Variants in RC3H2 observed in about 807,000 individuals in gnomAD.
RC3H2 encodes the protein roquin-2.
Under a neutral mutation model 133.3 loss-of-function variants are expected in RC3H2, and 31 were observed. That is an observed-to-expected ratio of 0.23 (90% CI 0.17 to 0.31). The LOEUF is 0.31. Ranked by LOEUF, RC3H2 falls within the 10% of genes least tolerant of loss-of-function variation. The pLI is 1.00. For synonymous variants in RC3H2, 517 were observed against 502.2 expected (o/e 1.03, Z -0.40); for missense variants, 1,175 against 1,437.2 (o/e 0.82, Z 2.95).
chr9:122,875,293 C>T, intron 9 of RC3H2: 1 of 1,550,584 alleles, frequency 6.4e-7, no homozygotes, highest in South Asian at 1.2e-5. Context: ...GCTTGTAGAG[C>T]TCATTATGTA....
chr9:122,862,719 A>C (rs1830504835), intron 10 of RC3H2, among the ~76,000 whole-genome samples: 1 of 151,790 alleles, frequency 6.6e-6, no homozygotes, highest in African/African-American at 2.4e-5. Context: ...ACATGGCGAA[A>C]CCCCGTCTCT....
At position 122,880,004 on chromosome 9, in the gene RC3H2, T is replaced by C; in HGVS notation, c.1082A>G (p.Asp361Gly). 7 of 1,614,088 alleles carry C rather than the reference T, an allele frequency of 4.3e-6. No individual in the cohort carries two copies. Among genetic ancestry groups the C allele is most frequent in the Non-Finnish European group, 5.9e-6 (7 of 1,180,018 alleles). Residue 361 changes from aspartate to glycine, a missense_variant, in exon 7 of 21, where the codon GAC (aspartate) becomes GGC (glycine). Physicochemically the swap from Asp to Gly is moderately conservative, Grantham distance 94. Around this residue, in one of 8 missense-constraint regions of RC3H2, gnomAD observed 131 missense variants for 154.2 expected, o/e 0.85. Transcript: ENST00000357244. ...ATATTCCCACATACCTGGATTAGGG[T>C]CTATGTTTGCAAGAAGCTCTAAATG... ...RPHLELLANI[D>G]PNPDAVSPTW... is the part of the protein sequence containing the mutation.
chr9:122,867,186 G>A, intron 9 of RC3H2, among the ~76,000 whole-genome samples: 1 of 131,626 alleles, frequency 7.6e-6, no homozygotes, highest in South Asian at 2.7e-4. Context: ...CATCTGAGAA[G>A]TGAGGAGCGT....
rs1382280138 is a variant in RC3H2 at position 122,888,792 on chromosome 9, T to C, written c.583+1520A>G. On this transcript the variant is annotated intron_variant, in intron 4 of 20. Transcript: ENST00000357244. ...CTATTACAAATAGTGCTTTTATAAC[T>C]GTATGCATTCTGTACCTTCTGTTGT... Among the ~76,000 whole-genome samples, 6 of 152,214 alleles carry C rather than the reference T, an allele frequency of 3.9e-5. No homozygotes were observed. In the East Asian group the frequency reaches 9.6e-4, roughly 24 times the overall value.
At position 122,855,549 on chromosome 9, in the gene RC3H2, C is replaced by A. The variant is rs937853287; in HGVS notation, c.2602-152G>T. On this transcript the variant is annotated intron_variant, in intron 14 of 20. Transcript: ENST00000357244. ...AATCCAACAAACTACCAGTAAACCACCAATGTTCAAATAACTTAAATATTA... is the reference window on the plus strand; with the variant it reads ...AATCCAACAAACTACCAGTAAACCAACAATGTTCAAATAACTTAAATATTA... 200 of 935,998 alleles carry A rather than the reference C, an allele frequency of 2.1e-4. 1 individual carries two copies. Among genetic ancestry groups the A allele is most frequent in the Non-Finnish European group, 3.0e-4 (194 of 639,330 alleles). 58.0% of individuals were successfully genotyped at this position (935,998 alleles called of 1,614,324 possible).
At chr9:122,867,538 C>T (rs78423447) in intron 9 of RC3H2, among the ~76,000 whole-genome samples, 2 of 16,880 alleles carry the variant, frequency 1.2e-4, no homozygotes, top group Non-Finnish European at 4.2e-4. Flanking sequence ...TCGTCTGGGA[C>T]GTGAGGAGCC....
At chr9:122,861,186 C>T (rs1264875820) in intron 10 of RC3H2, among the ~76,000 whole-genome samples, 2 of 152,008 alleles carry the variant, frequency 1.3e-5, no homozygotes, top group Non-Finnish European at 2.9e-5. Context: ...GCTTTCTTAA[C>T]TCCTTTTAAG....
chr9:122,879,993 C>G lies in RC3H2; in HGVS notation c.1093G>C (p.Asp365His). The G allele has an allele frequency of 6.2e-7, 1 of 1,613,946 alleles. No homozygotes were observed. The highest frequency in any genetic ancestry group is 8.5e-7 in the Non-Finnish European group (1 of 1,179,980). The change falls in exon 7 of 21, where the codon GAC becomes CAC. Residue 365 changes from aspartate (D) to histidine (H), a missense_variant and splice_region_variant. Physicochemically the swap from Asp to His is moderately conservative, Grantham distance 81. Around this residue, in one of 8 missense-constraint regions of RC3H2, gnomAD observed 131 missense variants for 154.2 expected, o/e 0.85. Coordinates refer to ENST00000357244, the MANE Select transcript of RC3H2 (RefSeq NM_001100588.3). ...ELLANIDPNP[D>H]AVSPTWEQLE... is the part of the protein sequence containing the mutation. ...AGCAACTGAGCATATTCCCACATAC[C>G]TGGATTAGGGTCTATGTTTGCAAGA...
chr9:122,875,245 T>G, intron 9 of RC3H2: 2 of 1,551,216 alleles, frequency 1.3e-6, no homozygotes, highest in Non-Finnish European at 8.7e-7. Context: ...CTCTTTTCAC[T>G]GCACACACAC....
rs36205979 is a variant in RC3H2, at chr9:122,868,839, A to ATG, written c.1326-3184_1326-3183dup. Among the ~76,000 whole-genome samples the ATG allele has an allele frequency of 2.3e-3, 277 of 118,930 alleles. 5 individuals are homozygous for ATG. The highest frequency in any genetic ancestry group is 8.8e-3 in the African/African-American group (266 of 30,088). 78.0% of individuals were successfully genotyped at this position (118,930 alleles called of 152,430 possible). On this transcript the variant is annotated intron_variant, in intron 9 of 20. Transcript: ENST00000357244. ...AATCCTTAACAATATTCCCTCCTAT[A>ATG]TGTGTGTGTGTGTGTGTGTGTGTGT...
intron 6 of RC3H2, 56 bp downstream of exon 6, chr9:122,880,538 A>C (rs935753664): frequency 2.3e-5 from 31 of 1,341,606 alleles, no homozygotes; most frequent in Non-Finnish European, 3.3e-5. Context: ...AGAATATTCT[A>C]ATACTCTTCA....
At chr9:122,860,504 C>A (rs1305283439) in intron 10 of RC3H2, among the ~76,000 whole-genome samples, 1 of 150,168 alleles carries the variant, frequency 6.7e-6, no homozygotes, top group African/African-American at 2.5e-5. Flanking sequence ...GCCTTGACCT[C>A]CTGGGCTTAA....
chr9:122,852,225 C>G (rs1157082572), intron 18 of RC3H2, among the ~76,000 whole-genome samples: 3 of 127,514 alleles, frequency 2.4e-5, no homozygotes, highest in African/African-American at 8.3e-5. Flanking sequence ...TCTGCCCGGC[C>G]GCCCCGTCTG....
In RC3H2 at chr9:122,895,873, TTC is replaced by T. The variant is rs1345499622; in HGVS notation, c.231+1404_231+1405del. Reference sequence around the variant, plus strand: ...TTAGTAATAATAAATGCTGAATACTTTCTGTCAAACCTAATGCAAAGTAGACC... The same window carrying T: ...TTAGTAATAATAAATGCTGAATACTTTGTCAAACCTAATGCAAAGTAGACC... On this transcript the variant is annotated intron_variant, in intron 2 of 20. Transcript: ENST00000357244. Among the ~76,000 whole-genome samples, 5 of 152,334 alleles carry T rather than the reference TTC, an allele frequency of 3.3e-5. No homozygotes were observed. In the East Asian group the frequency reaches 9.6e-4, roughly 29 times the overall value.
intron 4 of RC3H2, among the ~76,000 whole-genome samples, chr9:122,884,121 C>T (rs1193340004): frequency 7.9e-5 from 12 of 152,136 alleles, no homozygotes; most frequent in African/African-American, 2.4e-4. Context: ...GGTGAAACCC[C>T]GCCTCTACTA....
chr9:122,855,090 G>A, intron 15 of RC3H2, 94 bp downstream of exon 15: 1 of 993,216 alleles, frequency 1.0e-6, no homozygotes. Context: ...TCCAGTCTGG[G>A]CAACAGAGTG....
chr9:122,895,602 C>T (rs1832384559), intron 2 of RC3H2, among the ~76,000 whole-genome samples: 2 of 152,178 alleles, frequency 1.3e-5, no homozygotes, highest in Non-Finnish European at 2.9e-5. Context: ...ATTGTAGATG[C>T]ACCTTGATTT....
chr9:122,865,278 G>C, intron 10 of RC3H2, 71 bp downstream of exon 10: 1 of 1,320,698 alleles, frequency 7.6e-7, no homozygotes, highest in South Asian at 1.4e-5. Context: ...TTCATCAGCA[G>C]AAATAAAAAC....
chr9:122,885,245 G>C (rs1831865708), intron 4 of RC3H2, among the ~76,000 whole-genome samples: 1 of 152,184 alleles, frequency 6.6e-6, no homozygotes, highest in Admixed American at 6.5e-5. Flanking sequence ...AAATGGTTCA[G>C]AAGAGAGGGA....
Sources: gnomAD v4.1 joint callset for allele counts (sites outside exome capture counted in the v4.1 genomes callset) on GRCh38, gnomAD v4.1.1 for gene constraint, gnomAD v4.1.1 regional missense constraint, MANE v1.5 for transcripts, NCBI Gene and HGNC (gene_info 2026-07-23, HGNC 2026-07-21) for gene names.